The following IL34 variants were observed in gnomAD, a reference collection of about 807,000 sequenced individuals.
IL34 encodes the protein interleukin 34.
Under a neutral mutation model 25.3 loss-of-function variants are expected in IL34, and 17 were observed. The ratio of observed to expected loss-of-function variants is 0.67; its 90% CI spans 0.46 to 1.01. IL34 has a LOEUF of 1.01. Ranked by LOEUF, IL34 falls within the 50% of genes least tolerant of loss-of-function variation. IL34 has a pLI of 0.00. For missense variants in IL34, 368 were observed against 312.9 expected (o/e 1.18, Z -1.33); for synonymous variants, 174 against 140.9 (o/e 1.23, Z -1.66).
intron 1 of IL34, among the ~76,000 whole-genome samples, chr16:70,612,881 G>C (rs1483010361): frequency 6.6e-6 from 1 of 152,166 alleles, no homozygotes; most frequent in Non-Finnish European, 1.5e-5. Context: ...TGCCTCCCCG[G>C]TTAAAGCGAT....
chr16:70,602,140 C>T (rs1360416919), intron 1 of IL34, among the ~76,000 whole-genome samples: 1 of 152,216 alleles, frequency 6.6e-6, no homozygotes, highest in Non-Finnish European at 1.5e-5. Context: ...GCCAGATCCT[C>T]ATGGTTGCAG....
chr16:70,592,189 G>A (rs1243895093), intron 1 of IL34, among the ~76,000 whole-genome samples: 1 of 149,168 alleles, frequency 6.7e-6, no homozygotes. Context: ...AATGCATAAA[G>A]GCCAGCAGAC....
upstream of IL34, among the ~76,000 whole-genome samples, chr16:70,644,014 G>A (rs1267638387): frequency 2.0e-5 from 3 of 152,118 alleles, no homozygotes; most frequent in Non-Finnish European, 4.4e-5. Flanking sequence ...TCGCTCTGTT[G>A]CCCCGACTGG....
chr16:70,605,980 T>G (rs1482115723), intron 1 of IL34, among the ~76,000 whole-genome samples: 1 of 151,300 alleles, frequency 6.6e-6, no homozygotes, highest in East Asian at 1.9e-4. Context: ...TTTTTTTTTT[T>G]TTTTTTTTTT....
At chr16:70,623,234 G>A (rs1299580183) in intron 1 of IL34, among the ~76,000 whole-genome samples, 1 of 152,072 alleles carries the variant, frequency 6.6e-6, no homozygotes, top group Non-Finnish European at 1.5e-5. Flanking sequence ...GCGAAGAGAG[G>A]CTGGGATGAT....
intron 1 of IL34, among the ~76,000 whole-genome samples, chr16:70,604,646 A>G (rs947131287): frequency 9.2e-5 from 14 of 152,220 alleles, no homozygotes; most frequent in African/African-American, 3.4e-4. Flanking sequence ...GTTCAGCCCA[A>G]TCCCTGGCAG....
chr16:70,657,981 A>G (rs2052277845), intron 4 of IL34, among the ~76,000 whole-genome samples: 1 of 152,170 alleles, frequency 6.6e-6, no homozygotes, highest in South Asian at 2.1e-4. Context: ...ATTATCCTCT[A>G]AAATGCCTGA....
chr16:70,605,537 C>A (rs1033639624), intron 1 of IL34, among the ~76,000 whole-genome samples: 1 of 152,146 alleles, frequency 6.6e-6, no homozygotes. Context: ...GCCCTGGTAA[C>A]CTCTATGCTG....
intron 4 of IL34, 181 bp downstream of exon 4, chr16:70,657,302 G>C: frequency 1.6e-4 from 97 of 598,848 alleles, no homozygotes; most frequent in Non-Finnish European, 2.3e-4. Context: ...GGAAGGAAGA[G>C]GCAGCCGTGG....
chr16:70,590,552 G>A (rs1408325925), intron 1 of IL34, among the ~76,000 whole-genome samples: 1 of 152,090 alleles, frequency 6.6e-6, no homozygotes, highest in Non-Finnish European at 1.5e-5. Flanking sequence ...GGGCAGCCGG[G>A]TGGGAAGGCT....
rs555281651 is a variant in IL34 at position 70,636,981 on chromosome 16, G to A, written c.-400-9567G>A. 2.6e-5 allele frequency among the ~76,000 whole-genome samples: 4 copies of A among 151,962 alleles called. No individual in the cohort carries two copies. The South Asian group carries it at 8.3e-4, about 32-fold the overall frequency. On this transcript the variant is annotated intron_variant, in intron 1 of 6. Coordinates refer to the IL34 transcript ENST00000429149. ...TGCAAGTTCCGCCTCCCAGGTTCAT[G>A]CCATTCTCCTGCCTCAGCCTCCCCA...
chr16:70,629,651 CTG>C (rs1456559293), intron 1 of IL34, among the ~76,000 whole-genome samples: 3 of 151,536 alleles, frequency 2.0e-5, no homozygotes, highest in Non-Finnish European at 4.4e-5. Flanking sequence ...AGAAAAATGT[CTG>C]TACATGTTCA....
chr16:70,622,709 A>G (rs112944444), intron 1 of IL34, among the ~76,000 whole-genome samples: 7,440 of 152,060 alleles, frequency 0.049, 576 homozygotes, highest in African/African-American at 0.17. Context: ...AACAATGGTA[A>G]TTGTGGGACT....
chr16:70,629,695 A>G (rs2051474702), intron 1 of IL34, among the ~76,000 whole-genome samples: 2 of 151,056 alleles, frequency 1.3e-5, no homozygotes, highest in East Asian at 1.9e-4. Flanking sequence ...ACCTCACTAC[A>G]TTTTTTTCTT....
chr16:70,603,136 CA>C lies in IL34; in HGVS notation c.-401+23094del, dbSNP rs1324058874. On this transcript the variant is annotated intron_variant, in intron 1 of 6. Transcript: ENST00000429149. ...GTAGTTCCACTGGAGAAAAAAAAGACAAAAAAATCAATGCAAAAACAAGGAA... is the reference window on the plus strand; with the variant it reads ...GTAGTTCCACTGGAGAAAAAAAAGACAAAAAATCAATGCAAAAACAAGGAA... Among the ~76,000 whole-genome samples, 3 of 152,018 alleles carry C rather than the reference CA, an allele frequency of 2.0e-5. No individual in the cohort carries two copies. The East Asian group carries it at 5.8e-4, about 29-fold the overall frequency.
chr16:70,601,471 G>T (rs888291564), intron 1 of IL34, among the ~76,000 whole-genome samples: 2 of 151,920 alleles, frequency 1.3e-5, no homozygotes, highest in Admixed American at 1.3e-4. Flanking sequence ...GAGTTCAGTG[G>T]CACAATCTCA....
At chr16:70,656,510 C>T (rs962113921) in intron 2 of IL34, 92 bp from the exon 3 acceptor site, 4 of 817,088 alleles carry the variant, frequency 4.9e-6, no homozygotes, top group East Asian at 2.4e-5. Context: ...CAGAGTGAGA[C>T]TAACTGTTAA....
chr16:70,594,951 CTCTCTT>C (rs1409684848), intron 1 of IL34, among the ~76,000 whole-genome samples: 22 of 141,616 alleles, frequency 1.6e-4, no homozygotes, highest in African/African-American at 4.4e-4. Flanking sequence ...CTCTCTCTCT[CTCTCTT>C]TTTTTTTTTT....
At chr16:70,603,547 G>A (rs1597741390) in intron 1 of IL34, among the ~76,000 whole-genome samples, 1 of 151,852 alleles carries the variant, frequency 6.6e-6, no homozygotes, top group East Asian at 1.9e-4. Context: ...CAGAGTGCTA[G>A]GGTTACAGGT....
Sources: allele counts gnomAD v4.1 joint callset (sites outside exome capture counted in the v4.1 genomes callset), GRCh38; gene constraint gnomAD v4.1.1; transcripts MANE v1.5; gene names NCBI Gene and HGNC (gene_info 2026-07-23, HGNC 2026-07-21).